Variants in ETV6 observed in about 807,000 individuals in gnomAD.
ETV6 encodes transcription factor ETV6.
In ETV6, 16 loss-of-function variants were observed where a neutral mutation model predicts 51.1. The observed-to-expected ratio is 0.31, with a 90% confidence interval of 0.21 to 0.48. ETV6 has a LOEUF of 0.48. Ranked by LOEUF, ETV6 falls within the 20% of genes least tolerant of loss-of-function variation. The probability of loss-of-function intolerance (pLI) is 0.99; values close to 1 mark genes in which losing one functional copy is unlikely to be tolerated. For missense variants in ETV6, 458 were observed against 594.8 expected, an observed-to-expected ratio of 0.77 and a Z score of 2.39; for synonymous variants, 240 against 224.1, an observed-to-expected ratio of 1.07 and a Z score of -0.64.
At chr12:11,886,306 C>T (rs755552135) in intron 7 of ETV6, among the ~76,000 whole-genome samples, 7 of 152,096 alleles carry the variant, frequency 4.6e-5, no homozygotes, top group Admixed American at 2.6e-4. Flanking sequence ...CATTAAAGTC[C>T]GGTGTAGTTA....
intron 1 of ETV6, among the ~76,000 whole-genome samples, chr12:11,732,068 T>TA (rs1456494210): frequency 3.3e-5 from 5 of 152,192 alleles, no homozygotes; most frequent in African/African-American, 1.2e-4. Context: ...CTGCAGTCCT[T>TA]ACCTTAAATC....
rs1436056564 is a variant in ETV6 at position 11,787,958 on chromosome 12, T to G, written c.163+35379T>G. Among the ~76,000 whole-genome samples the G allele has an allele frequency of 2.0e-5, 3 of 152,318 alleles. No homozygotes were observed. The East Asian group carries it at 5.8e-4, about 29-fold the overall frequency. ...GTTTTCATTCTTGAACAGATTTCTT[T>G]CACACCAGTGCCCTGGTATTACTGG... On this transcript the variant is annotated intron_variant, in intron 2 of 7. Transcript: ENST00000396373.
At chr12:11,654,825 C>T (rs1313014591) in intron 1 of ETV6, among the ~76,000 whole-genome samples, 1 of 152,124 alleles carries the variant, frequency 6.6e-6, no homozygotes, top group Non-Finnish European at 1.5e-5. Context: ...TTGGGTGGGC[C>T]GTAGGCTCTT....
intron 2 of ETV6, among the ~76,000 whole-genome samples, chr12:11,809,903 T>A (rs1272755078): frequency 6.8e-6 from 1 of 146,078 alleles, no homozygotes; most frequent in Non-Finnish European, 1.5e-5. Context: ...CACTGCAACT[T>A]CCGCCTCCCA....
intron 1 of ETV6, among the ~76,000 whole-genome samples, chr12:11,741,863 A>G (rs1865817861): frequency 6.6e-6 from 1 of 152,238 alleles, no homozygotes; most frequent in Non-Finnish European, 1.5e-5. Context: ...GTGATTCGCA[A>G]CTTTAGCTCT....
At chr12:11,817,896 C>T (rs181599318) in intron 2 of ETV6, among the ~76,000 whole-genome samples, 9 of 152,294 alleles carry the variant, frequency 5.9e-5, no homozygotes, top group African/African-American at 1.9e-4. Context: ...AGCAAAAAGA[C>T]AGGAGGAAAG....
intron 1 of ETV6, among the ~76,000 whole-genome samples, chr12:11,650,850 G>T (rs1485875570): frequency 6.6e-6 from 1 of 152,218 alleles, no homozygotes; most frequent in African/African-American, 2.4e-5. Flanking sequence ...CTCCTGTGAT[G>T]GAGGGAGAGG....
At position 11,650,073 on chromosome 12, in the gene ETV6, A is replaced by G; in HGVS notation, c.-55A>G. 6.5e-7 allele frequency: 1 copy of G among 1,546,980 alleles called. No homozygotes were observed. Among genetic ancestry groups the G allele is most frequent in the Non-Finnish European group, 8.9e-7 (1 of 1,119,282 alleles). On this transcript the variant is annotated 5_prime_UTR_variant, in exon 1 of 8. Coordinates refer to ENST00000396373, the MANE Select transcript of ETV6 (RefSeq NM_001987.5). ...CGTGGAGCCTTTCTGGGTTGGGGAGAGGAAAGGAAAGTGGAAAAAACCTGA... is the reference window on the plus strand; with the variant it reads ...CGTGGAGCCTTTCTGGGTTGGGGAGGGGAAAGGAAAGTGGAAAAAACCTGA...
intron 2 of ETV6, among the ~76,000 whole-genome samples, chr12:11,802,576 G>A (rs544368474): frequency 1.3e-5 from 2 of 152,336 alleles, no homozygotes; most frequent in South Asian, 4.1e-4. Flanking sequence ...GGTTGACACT[G>A]TATGCTGTGT....
intron 2 of ETV6, among the ~76,000 whole-genome samples, chr12:11,815,373 G>A (rs897254456): frequency 6.6e-6 from 1 of 152,138 alleles, no homozygotes; most frequent in African/African-American, 2.4e-5. Context: ...AATAGAATAG[G>A]ATCACCCTGC....
intron 3 of ETV6, 137 bp from the exon 4 acceptor site, chr12:11,853,290 T>A: frequency 2.3e-6 from 2 of 881,566 alleles, no homozygotes; most frequent in Non-Finnish European, 1.8e-6. Context: ...CCCCATGAGC[T>A]TGGTGAGGGT....
rs200033667 is a variant in ETV6 at position 11,699,161 on chromosome 12, ATTCT to A, written c.33+49008_33+49011del. Among the ~76,000 whole-genome samples, 1,114 of 152,356 alleles carry A rather than the reference ATTCT, an allele frequency of 7.3e-3. 6 individuals carry two copies. Among genetic ancestry groups the A allele is most frequent in the Middle Eastern group, 0.058 (17 of 294 alleles). On this transcript the variant is annotated intron_variant, in intron 1 of 7. Coordinates refer to ENST00000396373, the MANE Select transcript of ETV6 (RefSeq NM_001987.5). ...TGCTTTAATAAAATGAAAGGACAAC[ATTCT>A]TTCTTTTCTGCTTGAGCCAGGCTTT...
rs1471099281 is a variant in ETV6 at position 11,892,359 on chromosome 12, T to C, written c.*1313T>C. 4.3e-6 allele frequency: 1 copy of C among 233,030 alleles called. No homozygotes were observed. Among genetic ancestry groups the C allele is most frequent in the Non-Finnish European group, 8.5e-6 (1 of 117,996 alleles). The allele number at this position is 233,030 out of a possible 1,614,324, so 14.4% of individuals were successfully genotyped here. On this transcript the variant is annotated 3_prime_UTR_variant, in exon 8 of 8. Transcript: ENST00000396373. ...CCAGCCTGGGCAGACAGGAAATTCC[T>C]CGGATACATTATTTTTTCTTTCTTT... is the stretch of plus-strand genomic sequence containing the variant.
chr12:11,863,481 G>C (rs1946745572), intron 4 of ETV6, among the ~76,000 whole-genome samples: 1 of 152,058 alleles, frequency 6.6e-6, no homozygotes, highest in Non-Finnish European at 1.5e-5. Flanking sequence ...CCTTCCTTCT[G>C]TGCCCACATG....
chr12:11,761,098 C>G (rs1945080626), intron 2 of ETV6, among the ~76,000 whole-genome samples: 1 of 152,130 alleles, frequency 6.6e-6, no homozygotes, highest in Non-Finnish European at 1.5e-5. Flanking sequence ...TATCTAATTC[C>G]AAAACCCAGA....
chr12:11,835,484 G>A (rs550183669), intron 2 of ETV6, among the ~76,000 whole-genome samples: 7 of 152,314 alleles, frequency 4.6e-5, no homozygotes, highest in South Asian at 2.1e-4. Context: ...TGCCCATGCA[G>A]CTTCTGTTCC....
chr12:11,855,112 G>C (rs1946611705), intron 4 of ETV6, among the ~76,000 whole-genome samples: 1 of 148,526 alleles, frequency 6.7e-6, no homozygotes, highest in Admixed American at 6.8e-5. Flanking sequence ...TGGCTAACAT[G>C]GTGAAACCCC....
In ETV6 at chr12:11,650,051, G is replaced by A. The variant is rs1457647446; in HGVS notation, c.-77G>A. 30 of 1,333,418 alleles carry A rather than the reference G, an allele frequency of 2.2e-5. No homozygotes were observed. The highest frequency in any genetic ancestry group is 3.4e-5 in the Admixed American group (2 of 59,370). 82.6% of individuals were successfully genotyped at this position (1,333,418 alleles called of 1,614,324 possible). On this transcript the variant is annotated 5_prime_UTR_variant, in exon 1 of 8. The change creates a premature stop within an existing upstream ORF in the 5' untranslated region. Coordinates refer to ENST00000396373, the MANE Select transcript of ETV6 (RefSeq NM_001987.5). Reference sequence around the variant, plus strand: ...TAAATGACCGCGTCTGGCTGGCCGTGGAGCCTTTCTGGGTTGGGGAGAGGA... The same window carrying A: ...TAAATGACCGCGTCTGGCTGGCCGTAGAGCCTTTCTGGGTTGGGGAGAGGA...
chr12:11,701,136 T>C (rs1441551252), intron 1 of ETV6, among the ~76,000 whole-genome samples: 1 of 152,090 alleles, frequency 6.6e-6, no homozygotes, highest in African/African-American at 2.4e-5. Flanking sequence ...TGGTAATATA[T>C]ACATAATATA....
Sources: gnomAD v4.1 joint callset for allele counts (sites outside exome capture counted in the v4.1 genomes callset) on GRCh38, gnomAD v4.1.1 for gene constraint, MANE v1.5 for transcripts, NCBI Gene and HGNC (gene_info 2026-07-23, HGNC 2026-07-21) for gene names.